Variants in TMC1 observed in about 807,000 individuals in gnomAD.
TMC1 encodes the protein transmembrane channel-like protein 1.
TMC1 carries 84 observed loss-of-function variants against 105.8 expected under a neutral mutation model. That is an observed-to-expected ratio of 0.79 (90% CI 0.67 to 0.95). The LOEUF (loss-of-function observed/expected upper bound fraction) is 0.95. Among genes scored for constraint, TMC1 ranks in the 40% least tolerant of loss-of-function variants. The pLI is 0.00. For synonymous variants in TMC1, 315 were observed against 311.5 expected (o/e 1.01, Z -0.12); for missense variants, 817 against 914.1 (o/e 0.89, Z 1.37).
chr9:72,550,657 C>CAAA (rs71493659), intron 1 of TMC1, among the ~76,000 whole-genome samples: 11,668 of 61,112 alleles, frequency 0.19, 1,633 homozygotes, highest in Non-Finnish European at 0.25. Context: ...GACTCCATCT[C>CAAA]AAAAAAAAAA....
In TMC1 at chr9:72,816,227, A is replaced by G. The variant is rs748357997; in HGVS notation, c.1763+17A>G. 3.7e-6 allele frequency: 6 copies of G among 1,611,358 alleles called. No individual in the cohort carries two copies. On this transcript the variant is annotated intron_variant, in intron 19 of 23. Transcript: ENST00000297784. Reference sequence around the variant, plus strand: ...CATGATCTGGTAGGCCAGCTGTTGGACAGCTTATCACTTACAGAAAAGCCT... The same window carrying G: ...CATGATCTGGTAGGCCAGCTGTTGGGCAGCTTATCACTTACAGAAAAGCCT...
intron 5 of TMC1, among the ~76,000 whole-genome samples, chr9:72,667,748 C>T (rs1826065936): frequency 6.6e-6 from 1 of 152,192 alleles, no homozygotes; most frequent in South Asian, 2.1e-4. Flanking sequence ...ATCCCTGCCT[C>T]TTCTTACCTC....
At chr9:72,732,295 G>A (rs906410471) in intron 8 of TMC1, among the ~76,000 whole-genome samples, 11 of 152,160 alleles carry the variant, frequency 7.2e-5, no homozygotes, top group African/African-American at 2.7e-4. Flanking sequence ...GGGCAAGGTG[G>A]CTGACACCTA....
At chr9:72,686,844 C>G (rs1263269692) in intron 5 of TMC1, among the ~76,000 whole-genome samples, 1 of 152,154 alleles carries the variant, frequency 6.6e-6, no homozygotes, top group African/African-American at 2.4e-5. Context: ...AATTGCAGCT[C>G]TGTTTTAGTT....
chr9:72,836,232 T>A lies in TMC1; in HGVS notation c.*259T>A, dbSNP rs1009799079. On this transcript the variant is annotated 3_prime_UTR_variant, in exon 24 of 24. Coordinates refer to ENST00000297784, the MANE Select transcript of TMC1 (RefSeq NM_138691.3). ...CTCCATTTCGTGACTTTTTTTTTTT[T>A]TTTAACAAATTGAGTTTAGAAGTGA... The A allele has an allele frequency of 2.0e-5, 11 of 542,208 alleles. No homozygotes were observed. The highest frequency in any genetic ancestry group is 3.6e-5 in the Non-Finnish European group (11 of 304,534). The allele number at this position is 542,208 out of a possible 1,614,324, so 33.6% of individuals were successfully genotyped here.
At chr9:72,821,552 A>G (rs1376954964) in intron 20 of TMC1, among the ~76,000 whole-genome samples, 1 of 152,162 alleles carries the variant, frequency 6.6e-6, no homozygotes, top group Non-Finnish European at 1.5e-5. Flanking sequence ...TTCAGGTTCA[A>G]TAGGTGACAT....
chr9:72,724,025 A>C (rs909284029), intron 8 of TMC1, among the ~76,000 whole-genome samples: 3 of 152,228 alleles, frequency 2.0e-5, no homozygotes, highest in Non-Finnish European at 4.4e-5. Flanking sequence ...ATATGGTTGC[A>C]GAAGGATATT....
chr9:72,599,855 A>G (rs1422832773), intron 2 of TMC1, among the ~76,000 whole-genome samples: 1 of 152,138 alleles, frequency 6.6e-6, no homozygotes, highest in Non-Finnish European at 1.5e-5. Flanking sequence ...AAGAAAATGC[A>G]CTTTTTGCTG....
intron 23 of TMC1, among the ~76,000 whole-genome samples, chr9:72,831,146 A>T (rs1353296167): frequency 6.6e-6 from 1 of 152,158 alleles, no homozygotes; most frequent in Non-Finnish European, 1.5e-5. Flanking sequence ...TTTTTTTAAA[A>T]ACCTCTTTAT....
intron 1 of TMC1, 70 bp from the exon 2 acceptor site, chr9:72,577,832 T>G (rs1824410525): frequency 6.6e-6 from 1 of 152,186 alleles, no homozygotes; most frequent in South Asian, 2.1e-4. Flanking sequence ...TTTTGGGCTC[T>G]GCCTCTTGTA....
intron 8 of TMC1, among the ~76,000 whole-genome samples, chr9:72,708,624 T>C (rs938967500): frequency 6.6e-6 from 1 of 152,186 alleles, no homozygotes; most frequent in African/African-American, 2.4e-5. Flanking sequence ...TTTTGTATCC[T>C]GAAACTTTGC....
intron 5 of TMC1, among the ~76,000 whole-genome samples, chr9:72,681,974 A>T (rs1057285837): frequency 6.6e-6 from 1 of 152,134 alleles, no homozygotes; most frequent in Non-Finnish European, 1.5e-5. Context: ...TCAGAAAATG[A>T]GTGTAATCTA....
chr9:72,546,374 A>G (rs1220210478), intron 1 of TMC1, among the ~76,000 whole-genome samples: 1 of 152,248 alleles, frequency 6.6e-6, no homozygotes, highest in Non-Finnish European at 1.5e-5. Flanking sequence ...AGAAAAAACC[A>G]CTGAATGATT....
At chr9:72,560,926 G>A (rs1406068671) in intron 1 of TMC1, among the ~76,000 whole-genome samples, 1 of 152,102 alleles carries the variant, frequency 6.6e-6, no homozygotes, top group Admixed American at 6.5e-5. Flanking sequence ...GTACCTATTA[G>A]CTAGAGATAC....
At chr9:72,584,908 C>T (rs1587974186) in intron 2 of TMC1, among the ~76,000 whole-genome samples, 1 of 151,126 alleles carries the variant, frequency 6.6e-6, no homozygotes, top group African/African-American at 2.4e-5. Flanking sequence ...CGTCAGCCTC[C>T]TGAGTAGCTG....
intron 5 of TMC1, among the ~76,000 whole-genome samples, chr9:72,654,050 G>C (rs1056113093): frequency 6.6e-6 from 1 of 152,154 alleles, no homozygotes; most frequent in African/African-American, 2.4e-5. Flanking sequence ...GGACATTCCA[G>C]TTGTTTTATA....
chr9:72,532,541 C>CAAAAAAAAAAAAAAAAA (rs59010604), intron 1 of TMC1, among the ~76,000 whole-genome samples: 1 of 75,526 alleles, frequency 1.3e-5, no homozygotes, highest in Non-Finnish European at 2.6e-5. Flanking sequence ...GACTCCGTCT[C>CAAAAAAAAAAAAAAAAA]AAAAAAAAAA....
At chr9:72,668,009 C>T (rs1017006567) in intron 5 of TMC1, among the ~76,000 whole-genome samples, 1 of 152,160 alleles carries the variant, frequency 6.6e-6, no homozygotes, top group Non-Finnish European at 1.5e-5. Context: ...TATATTCTAC[C>T]TCACACCAAT....
At chr9:72,786,758 C>T (rs1163530017) in intron 13 of TMC1, among the ~76,000 whole-genome samples, 1 of 152,152 alleles carries the variant, frequency 6.6e-6, no homozygotes, top group Non-Finnish European at 1.5e-5. Flanking sequence ...CTTCTTTTCA[C>T]ACCCTTTCCC....
Sources: allele counts gnomAD v4.1 joint callset (sites outside exome capture counted in the v4.1 genomes callset), GRCh38; gene constraint gnomAD v4.1.1; transcripts MANE v1.5; gene names NCBI Gene and HGNC (gene_info 2026-07-23, HGNC 2026-07-21).